Variants in RABGAP1 observed in about 807,000 individuals in gnomAD.
The protein encoded by RABGAP1 is rab GTPase-activating protein 1.
In RABGAP1, 23 loss-of-function variants were observed where a neutral mutation model predicts 137.6. The observed-to-expected ratio is 0.17, with a 90% confidence interval of 0.12 to 0.24. The LOEUF is 0.24. RABGAP1 is among the 10% of genes least tolerant of loss of function. The pLI is 1.00. For synonymous variants in RABGAP1, 451 were observed against 450.7 expected, an observed-to-expected ratio of 1.00 and a Z score of -0.01; for missense variants, 906 against 1,275.8, an observed-to-expected ratio of 0.71 and a Z score of 4.42.
intron 21 of RABGAP1, among the ~76,000 whole-genome samples, chr9:123,092,532 C>T (rs1457749408): frequency 6.6e-6 from 1 of 151,126 alleles, no homozygotes; most frequent in Non-Finnish European, 1.5e-5. Flanking sequence ...AGAAGCAGAG[C>T]CAGGCCCATG....
chr9:123,022,857 G>T (rs1417433853), intron 13 of RABGAP1, among the ~76,000 whole-genome samples: 2 of 151,988 alleles, frequency 1.3e-5, no homozygotes, highest in African/African-American at 4.8e-5. Context: ...TGTCTTCCTG[G>T]AATTAAGAGT....
chr9:122,949,723 AAG>A (rs1430566890), intron 1 of RABGAP1, among the ~76,000 whole-genome samples: 1 of 151,692 alleles, frequency 6.6e-6, no homozygotes, highest in Non-Finnish European at 1.5e-5. Context: ...GAAAAAAAAA[AAG>A]TGTTGATATT....
At position 123,097,865 on chromosome 9, in the gene RABGAP1, T is replaced by C; in HGVS notation, c.2733+20T>C. On this transcript the variant is annotated intron_variant, in intron 22 of 25. Coordinates refer to ENST00000373647, the MANE Select transcript of RABGAP1 (RefSeq NM_012197.4). ...GCTCAGGTAAGGGAACTCTCCCACATTCCTCTGTCTTGCAAATGCTTGAGA... is the reference window on the plus strand; with the variant it reads ...GCTCAGGTAAGGGAACTCTCCCACACTCCTCTGTCTTGCAAATGCTTGAGA... The C allele has an allele frequency of 6.3e-7, 1 of 1,594,072 alleles. No individual in the cohort carries two copies. The highest frequency in any genetic ancestry group is 8.5e-7 in the Non-Finnish European group (1 of 1,170,020).
the RABGAP1 span, among the ~76,000 whole-genome samples, chr9:122,933,103 T>C: frequency 6.6e-6 from 1 of 152,228 alleles, no homozygotes; most frequent in African/African-American, 2.4e-5. Context: ...TGGTTTATTA[T>C]GATGCTTAGT....
chr9:123,058,274 AAGGT>A (rs1002472902), intron 13 of RABGAP1, among the ~76,000 whole-genome samples: 1 of 152,158 alleles, frequency 6.6e-6, no homozygotes, highest in Non-Finnish European at 1.5e-5. Flanking sequence ...TAAAAATACT[AAGGT>A]AGGATAATGG....
chr9:122,951,615 GGCTGGA>G (rs1184158233), intron 1 of RABGAP1, among the ~76,000 whole-genome samples: 1 of 150,276 alleles, frequency 6.7e-6, no homozygotes, highest in African/African-American at 2.5e-5. Context: ...CTGTCACTTA[GGCTGGA>G]GCGCAGTGTC....
In RABGAP1 at chr9:123,058,845, A is replaced by G. The variant is rs1376125881; in HGVS notation, c.1795-6503A>G. On this transcript the variant is annotated intron_variant, in intron 13 of 25. Transcript: ENST00000373647. ...GTTAACTGGGAGCCACCAGCAGCAC[A>G]TTGGACTTGAATATATGTCTGGGTT... is the stretch of plus-strand genomic sequence containing the variant. Among the ~76,000 whole-genome samples the G allele has an allele frequency of 2.0e-5, 3 of 152,352 alleles. No individual in the cohort carries two copies. The South Asian group carries it at 6.2e-4, about 32-fold the overall frequency.
rs1171254387 is a variant in RABGAP1 at position 122,996,081 on chromosome 9, C to T, written c.964C>T (p.Arg322Cys). The T allele has an allele frequency of 6.2e-7, 1 of 1,613,132 alleles. No individual in the cohort carries two copies. The highest frequency in any genetic ancestry group is 1.3e-5 in the African/African-American group (1 of 74,822). The change falls in exon 7 of 26, where the codon CGC (arginine) becomes TGC (cysteine). Residue 322 changes from arginine (R) to cysteine (C), a missense_variant. Physicochemically the swap from Arg to Cys is radical, Grantham distance 180. This residue lies in a region of RABGAP1 where 17 missense variants were observed against 57.4 expected (regional missense o/e 0.30). Transcript: ENST00000373647. ...TAAGGACAGACAGTGCTTTAAACTACGCCAAGGAATTGATAAGAAGATTGT... is the reference window on the plus strand; with the variant it reads ...TAAGGACAGACAGTGCTTTAAACTATGCCAAGGAATTGATAAGAAGATTGT... ...KDKDRQCFKL[R>C]QGIDKKIVIY...
At position 122,952,851 on chromosome 9, in the gene RABGAP1, T is replaced by C. The variant is rs148393031; in HGVS notation, c.-49-4160T>C. Among the ~76,000 whole-genome samples the C allele has an allele frequency of 6.8e-3, 1,037 of 152,342 alleles. 12 individuals are homozygous for C. Among genetic ancestry groups the C allele is most frequent in the African/African-American group, 0.024 (999 of 41,580 alleles). ...AAAGGAGGAGACAAACTGTGAGTGC[T>C]TACCTACCAAATACCAGGCTATTCA... On this transcript the variant is annotated intron_variant, in intron 1 of 25. Coordinates refer to ENST00000373647, the MANE Select transcript of RABGAP1 (RefSeq NM_012197.4).
chr9:122,946,388 T>G (rs2131586742), intron 1 of RABGAP1, among the ~76,000 whole-genome samples: 1 of 152,296 alleles, frequency 6.6e-6, no homozygotes, highest in East Asian at 1.9e-4. Context: ...ATTCATTTTC[T>G]TTATTGTAGA....
At chr9:123,089,512 C>T (rs2034973260) in intron 19 of RABGAP1, 1 of 409,262 alleles carries the variant, frequency 2.4e-6, no homozygotes, top group African/African-American at 2.0e-5. Context: ...GTAGGGTGTT[C>T]ATTCTAATAC....
chr9:122,984,807 G>C, intron 3 of RABGAP1, 88 bp downstream of exon 3: 1 of 1,210,356 alleles, frequency 8.3e-7, no homozygotes, highest in Non-Finnish European at 1.2e-6. Context: ...ATTTAGAACA[G>C]GCAAAACCAT....
At chr9:122,945,303 CT>C (rs1173837834) in intron 1 of RABGAP1, 1 of 152,000 alleles carries the variant, frequency 6.6e-6, no homozygotes, top group Non-Finnish European at 1.5e-5. Flanking sequence ...CACGTTGACC[CT>C]AACAGCCTTG....
At chr9:123,085,337 T>C (rs2034831617) in intron 19 of RABGAP1, among the ~76,000 whole-genome samples, 1 of 152,168 alleles carries the variant, frequency 6.6e-6, no homozygotes, top group African/African-American at 2.4e-5. Flanking sequence ...TTCTGTGCAT[T>C]CTTTATTGGA....
chr9:122,953,690 C>T (rs1443575875), intron 1 of RABGAP1, among the ~76,000 whole-genome samples: 9 of 152,236 alleles, frequency 5.9e-5, no homozygotes, highest in African/African-American at 1.7e-4. Flanking sequence ...TGAGCCACTG[C>T]GCCCGCCCGG....
chr9:123,040,877 A>C (rs1288784643), intron 13 of RABGAP1, among the ~76,000 whole-genome samples: 1 of 152,172 alleles, frequency 6.6e-6, no homozygotes, highest in Non-Finnish European at 1.5e-5. Flanking sequence ...AAAGGACCTT[A>C]GGAATCATTT....
At chr9:123,061,585 A>G (rs1054748946) in intron 13 of RABGAP1, among the ~76,000 whole-genome samples, 6 of 152,244 alleles carry the variant, frequency 3.9e-5, no homozygotes, top group Admixed American at 6.5e-5. Flanking sequence ...CAAGATGGCA[A>G]TAGTGCATAA....
intron 4 of RABGAP1, among the ~76,000 whole-genome samples, chr9:122,987,056 G>A (rs1836409333): frequency 6.6e-6 from 1 of 152,118 alleles, no homozygotes; most frequent in South Asian, 2.1e-4. Context: ...AGGATCACCT[G>A]AGCCTGGGAG....
At chr9:123,089,670 C>A in intron 19 of RABGAP1, 88 bp from the exon 20 acceptor site, 3 of 987,872 alleles carry the variant, frequency 3.0e-6, no homozygotes, top group East Asian at 2.6e-5. Flanking sequence ...ATTGCCCAGG[C>A]CACCAGAAGT....
Sources: allele counts gnomAD v4.1 joint callset (sites outside exome capture counted in the v4.1 genomes callset), GRCh38; gene constraint gnomAD v4.1.1; regional missense constraint gnomAD v4.1.1; transcripts MANE v1.5; gene names NCBI Gene and HGNC (gene_info 2026-07-23, HGNC 2026-07-21).